Variants in C11orf65 observed in about 807,000 individuals in gnomAD.
C11orf65 encodes the protein chromosome 11 open reading frame 65.
Under a neutral mutation model 35.3 loss-of-function variants are expected in C11orf65, and 38 were observed. That is an observed-to-expected ratio of 1.08 (90% CI 0.83 to 1.41). The LOEUF is 1.41. Ranked by LOEUF, C11orf65 falls within the 40% of genes most tolerant of loss-of-function variation. C11orf65 has a pLI of 0.00. For synonymous variants in C11orf65, 105 were observed against 114.4 expected (o/e 0.92, Z 0.53); for missense variants, 370 against 367.1 (o/e 1.01, Z -0.06).
chr11:108,468,700 T>G (rs2093560898), upstream of C11orf65, among the ~76,000 whole-genome samples: 1 of 152,224 alleles, frequency 6.6e-6, no homozygotes, highest in Admixed American at 6.5e-5. Context: ...CTTTATGTAG[T>G]TGCCTTGATG....
intron 6 of C11orf65, chr11:108,325,972 T>C (rs1202744951): frequency 4.1e-6 from 6 of 1,471,296 alleles, no homozygotes; most frequent in Non-Finnish European, 5.6e-6. Flanking sequence ...CAATGAATGG[T>C]AGTTGCTGCT....
intron 2 of C11orf65, among the ~76,000 whole-genome samples, chr11:108,343,716 T>A (rs188377629): frequency 7.9e-4 from 120 of 152,148 alleles, no homozygotes; most frequent in African/African-American, 2.7e-3. Flanking sequence ...AGAGGCTGAG[T>A]CTGGGGGATC....
intron 2 of C11orf65, chr11:108,354,730 C>T: frequency 1.7e-6 from 2 of 1,194,270 alleles, no homozygotes; most frequent in Non-Finnish European, 2.5e-6. Context: ...CAGCATACTA[C>T]ACATGAGAGT....
intron 2 of C11orf65, among the ~76,000 whole-genome samples, chr11:108,444,109 T>C (rs1333451469): frequency 6.6e-6 from 1 of 151,916 alleles, no homozygotes; most frequent in Non-Finnish European, 1.5e-5. Flanking sequence ...AAGAATCAAA[T>C]AGACGCAATA....
At chr11:108,355,222 T>G (rs1013636359) in intron 2 of C11orf65, 6 of 280,358 alleles carry the variant, frequency 2.1e-5, no homozygotes, top group Non-Finnish European at 4.1e-5. Flanking sequence ...TTATATCTCC[T>G]TTTTCCCTGC....
Position 108,382,995 on chromosome 11 carries a change from A to G in C11orf65, c.*26T>C, listed in dbSNP as rs186057625. On this transcript the variant is annotated 3_prime_UTR_variant, in exon 9 of 9. Transcript: ENST00000393084. ...TGATGGATGGAAGGCTCAAAGGGCT[A>G]TAACTCAGAATAGAAATAAAGTACT... The G allele has an allele frequency of 5.8e-5, 93 of 1,609,782 alleles. No homozygotes were observed. In the African/African-American group the frequency reaches 1.1e-3, roughly 19 times the overall value.
chr11:108,359,279 C>G (rs1358980756), intron 2 of C11orf65, among the ~76,000 whole-genome samples: 1 of 151,440 alleles, frequency 6.6e-6, no homozygotes. Flanking sequence ...AATACAGGAG[C>G]ACCCAGATTC....
intron 3 of C11orf65, among the ~76,000 whole-genome samples, chr11:108,408,487 C>A (rs1258141426): frequency 1.3e-5 from 2 of 151,494 alleles, no homozygotes; most frequent in African/African-American, 4.8e-5. Context: ...GCCAGCCTGG[C>A]CAACATGGTG....
At chr11:108,455,953 G>A (rs1438144746) in intron 2 of C11orf65, among the ~76,000 whole-genome samples, 5 of 151,622 alleles carry the variant, frequency 3.3e-5, no homozygotes, top group Non-Finnish European at 5.9e-5. Flanking sequence ...CAGGAGTTAA[G>A]AGACCAGCAC....
rs1301540929 is a variant in C11orf65, at chr11:108,458,541, G to A, written c.81+2938C>T. 2.0e-5 allele frequency among the ~76,000 whole-genome samples: 3 copies of A among 152,008 alleles called. No homozygotes were observed. The South Asian group carries it at 6.2e-4, about 32-fold the overall frequency. On this transcript the variant is annotated intron_variant, in intron 2 of 8. Coordinates refer to ENST00000393084, the MANE Select transcript of C11orf65 (RefSeq NM_152587.5). ...TGGGTGTCGTTTCCCCCAGGTGTGGGTGAAATTCCTAGACTAGACCAGATA... is the reference window on the plus strand; with the variant it reads ...TGGGTGTCGTTTCCCCCAGGTGTGGATGAAATTCCTAGACTAGACCAGATA...
intron 3 of C11orf65, among the ~76,000 whole-genome samples, chr11:108,334,648 C>T (rs993490867): frequency 1.3e-5 from 2 of 152,072 alleles, no homozygotes; most frequent in African/African-American, 4.8e-5. Flanking sequence ...TAGGTGATTT[C>T]GCTGAATGTT....
At chr11:108,444,663 G>A (rs1177064569) in intron 2 of C11orf65, among the ~76,000 whole-genome samples, 1 of 152,154 alleles carries the variant, frequency 6.6e-6, no homozygotes, top group Non-Finnish European at 1.5e-5. Flanking sequence ...CCAGTCTACA[G>A]CTCCCAGCAT....
chr11:108,457,195 G>A (rs974498497), intron 2 of C11orf65, among the ~76,000 whole-genome samples: 2 of 152,138 alleles, frequency 1.3e-5, no homozygotes, highest in Non-Finnish European at 2.9e-5. Flanking sequence ...GATACTGGGA[G>A]GGGAGATAAG....
At chr11:108,316,903 G>A (rs1472331026) in intron 6 of C11orf65, among the ~76,000 whole-genome samples, 1 of 151,934 alleles carries the variant, frequency 6.6e-6, no homozygotes, top group Non-Finnish European at 1.5e-5. Flanking sequence ...TCCAGCCTGG[G>A]CAATAGAGCG....
intron 6 of C11orf65, among the ~76,000 whole-genome samples, chr11:108,311,798 T>A (rs1189198512): frequency 6.6e-6 from 1 of 152,214 alleles, no homozygotes; most frequent in Non-Finnish European, 1.5e-5. Context: ...ACTAGATTAT[T>A]ACTGTTATAG....
At chr11:108,461,719 C>A in intron 1 of C11orf65, 151 bp from the exon 2 acceptor site, 1 of 546,704 alleles carries the variant, frequency 1.8e-6, no homozygotes, top group Non-Finnish European at 3.2e-6. Context: ...CCTCAAACTG[C>A]TGGGCTCAAG....
chr11:108,390,946 CCTT>C (rs1321115168), intron 7 of C11orf65, among the ~76,000 whole-genome samples: 3 of 152,116 alleles, frequency 2.0e-5, no homozygotes, highest in Middle Eastern at 3.4e-3. Flanking sequence ...TCTGATCTAT[CCTT>C]CTCATCAGTA....
In C11orf65 at chr11:108,393,290, A is replaced by G; in HGVS notation, c.649T>C (p.Phe217Leu). ...ACAGAATCTATCCCCCCATCTTCAA[A>G]AGCTCTAATCAGCCCCTTTGTTGCA... ...HTATKGLIRA[F>L]EDGGIDSVME... is the part of the protein sequence containing the mutation. The change falls in exon 7 of 9, where the codon TTT (phenylalanine) becomes CTT (leucine). Residue 217 changes from phenylalanine (F) to leucine (L), a missense_variant. Phe to Leu is a conservative substitution (Grantham distance 22). Transcript: ENST00000393084. The G allele has an allele frequency of 6.2e-7, 1 of 1,614,040 alleles. No individual in the cohort carries two copies.
intron 2 of C11orf65, among the ~76,000 whole-genome samples, chr11:108,449,734 T>G (rs1429267647): frequency 6.6e-6 from 1 of 151,956 alleles, no homozygotes; most frequent in Non-Finnish European, 1.5e-5. Context: ...AGGCAAGGAC[T>G]TCATGTCTGA....
Sources: allele counts gnomAD v4.1 joint callset (sites outside exome capture counted in the v4.1 genomes callset), GRCh38; gene constraint gnomAD v4.1.1; transcripts MANE v1.5; gene names NCBI Gene and HGNC (gene_info 2026-07-23, HGNC 2026-07-21).